The following CDC42 variants were observed in gnomAD, a reference collection of about 807,000 sequenced individuals.
CDC42 encodes cell division cycle 42, also known as cell division control protein 42 homolog.
Under a neutral mutation model 20.8 loss-of-function variants are expected in CDC42, and 1 was observed. That is an observed-to-expected ratio of 0.05 (90% CI 0.02 to 0.23). The LOEUF (loss-of-function observed/expected upper bound fraction) is 0.23. Among genes scored for constraint, CDC42 ranks in the 10% least tolerant of loss-of-function variants. CDC42 has a pLI of 1.00. For synonymous variants in CDC42, 72 were observed against 84.8 expected (o/e 0.85, Z 0.83); for missense variants, 49 against 227.9 (o/e 0.21, Z 5.05).
chr1:22,076,531 G>A (rs925308760), intron 1 of CDC42, among the ~76,000 whole-genome samples: 1 of 152,284 alleles, frequency 6.6e-6, no homozygotes, highest in South Asian at 2.1e-4. Context: ...CCTTGGCTTA[G>A]TTACTTGCTG....
chr1:22,087,534 G>A (rs527882253), intron 5 of CDC42, among the ~76,000 whole-genome samples: 3 of 152,278 alleles, frequency 2.0e-5, no homozygotes, highest in Non-Finnish European at 2.9e-5. Flanking sequence ...TGTAACTGAT[G>A]TGTATGGTTT....
At chr1:22,085,688 C>G (rs1645654909) in intron 3 of CDC42, among the ~76,000 whole-genome samples, 1 of 152,088 alleles carries the variant, frequency 6.6e-6, no homozygotes, top group Admixed American at 6.5e-5. Context: ...TTAATTCTTG[C>G]TAAATTTGTT....
chr1:22,083,663 A>G (rs967221684), intron 3 of CDC42, among the ~76,000 whole-genome samples: 3 of 152,104 alleles, frequency 2.0e-5, no homozygotes, highest in Non-Finnish European at 4.4e-5. Context: ...ACCCTCCACC[A>G]TAATAAAATG....
chr1:22,078,280 G>A (rs1024758781), intron 1 of CDC42, 149 bp from the exon 2 acceptor site: 2 of 441,588 alleles, frequency 4.5e-6, no homozygotes, highest in Admixed American at 3.9e-5. Context: ...GTAACTTATA[G>A]CAAGTCATTG....
chr1:22,062,740 A>T (rs1369732703), intron 1 of CDC42, among the ~76,000 whole-genome samples: 649 of 7,540 alleles, frequency 0.086, 8 homozygotes, highest in African/African-American at 0.21. Flanking sequence ...TAAAAAAAAA[A>T]AAAAAAAAAA....
At chr1:22,075,274 G>A (rs191822658) in intron 1 of CDC42, among the ~76,000 whole-genome samples, 2 of 152,272 alleles carry the variant, frequency 1.3e-5, no homozygotes, top group Admixed American at 1.3e-4. Context: ...TTGCAGAATA[G>A]TCTTAATTAG....
rs140287958 is a variant in CDC42 at position 22,098,272 on chromosome 1, C to T, written c.*6755C>T. 1.2e-3 allele frequency among the ~76,000 whole-genome samples: 187 copies of T among 152,022 alleles called. 5 individuals are homozygous for T. The East Asian group carries it at 0.036, about 29-fold the overall frequency. On this transcript the variant is annotated 3_prime_UTR_variant, in exon 6 of 6. Transcript: ENST00000656825. ...GCCTCATTATCTGTAAAATTGCATA[C>T]TTAGTTATCATTGAGGTCTCAAATG...
chr1:22,066,755 GTGT>G (rs1645428140), intron 1 of CDC42, among the ~76,000 whole-genome samples: 1 of 152,120 alleles, frequency 6.6e-6, no homozygotes, highest in Non-Finnish European at 1.5e-5. Context: ...AGGGGCAGGA[GTGT>G]TGTTGGTAAA....
At chr1:22,058,573 C>G (rs111497543) in intron 1 of CDC42, among the ~76,000 whole-genome samples, 20 of 151,566 alleles carry the variant, frequency 1.3e-4, no homozygotes, top group Non-Finnish European at 4.4e-5. Context: ...ACCTCCACCT[C>G]CCGGGTTCAA....
chr1:22,081,828 C>T (rs372440772), intron 3 of CDC42, 34 bp downstream of exon 3: 2 of 1,315,322 alleles, frequency 1.5e-6, no homozygotes, highest in Admixed American at 1.8e-5. Context: ...CTGTTTTGAT[C>T]TTTAACAGTT....
chr1:22,075,343 G>A (rs1057340343), intron 1 of CDC42, among the ~76,000 whole-genome samples: 3 of 152,128 alleles, frequency 2.0e-5, no homozygotes, highest in African/African-American at 7.2e-5. Context: ...CTACATTTGT[G>A]CTGAGAACAA....
intron 1 of CDC42, among the ~76,000 whole-genome samples, chr1:22,072,840 ATAT>A (rs2152829516): frequency 6.6e-6 from 1 of 152,298 alleles, no homozygotes; most frequent in South Asian, 2.1e-4. Context: ...ATATTGCCAA[ATAT>A]TTGGTGTATT....
At chr1:22,086,253 T>C in intron 3 of CDC42, among the ~76,000 whole-genome samples, 186 bp from the exon 4 acceptor site, 1 of 152,240 alleles carries the variant, frequency 6.6e-6, no homozygotes, top group Admixed American at 6.5e-5. Flanking sequence ...AATTCATTGC[T>C]GTTCTGAGTG....
intron 1 of CDC42, among the ~76,000 whole-genome samples, chr1:22,060,651 T>C (rs1410046778): frequency 6.6e-6 from 1 of 152,202 alleles, no homozygotes; most frequent in Non-Finnish European, 1.5e-5. Context: ...GAAAGAATAA[T>C]GTTACTTGAA....
intron 1 of CDC42, chr1:22,063,979 C>T (rs1645393315): frequency 6.6e-6 from 1 of 152,154 alleles, no homozygotes; most frequent in Non-Finnish European, 1.5e-5. Flanking sequence ...CTTGGCCTCC[C>T]AAAGTGCTGG....
chr1:22,061,718 ATTTTT>A, intron 1 of CDC42, among the ~76,000 whole-genome samples: 1 of 149,224 alleles, frequency 6.7e-6, no homozygotes, highest in African/African-American at 2.5e-5. Flanking sequence ...TAATTTTTGT[ATTTTT>A]AGTGGAGATG....
intron 5 of CDC42, 90 bp downstream of exon 5, chr1:22,086,956 C>T (rs1645667227): frequency 9.2e-7 from 1 of 1,083,238 alleles, no homozygotes; most frequent in Non-Finnish European, 1.4e-6. Context: ...CAGTGATCAG[C>T]AGTGCTCAAA....
intron 1 of CDC42, among the ~76,000 whole-genome samples, chr1:22,058,789 G>A (rs1045312714): frequency 6.6e-6 from 1 of 151,924 alleles, no homozygotes; most frequent in African/African-American, 2.4e-5. Context: ...GTGAACCACC[G>A]CACCCAGCCG....
chr1:22,089,818 C>A, intron 5 of CDC42: 1 of 901,236 alleles, frequency 1.1e-6, no homozygotes, highest in Non-Finnish European at 1.6e-6. Context: ...AGCATTCTAG[C>A]GTTTTTCTTA....
Sources: gnomAD v4.1 joint callset for allele counts (sites outside exome capture counted in the v4.1 genomes callset) on GRCh38, gnomAD v4.1.1 for gene constraint, MANE v1.5 for transcripts, NCBI Gene and HGNC (gene_info 2026-07-23, HGNC 2026-07-21) for gene names.